Variants in ACYP2 observed in about 807,000 individuals in gnomAD.
The protein encoded by ACYP2 is acylphosphatase 2.
In ACYP2, 12 loss-of-function variants were observed where a neutral mutation model predicts 11.2. The observed-to-expected ratio is 1.08, with a 90% CI of 0.69 to 1.74. ACYP2 has a LOEUF of 1.74. Among genes scored for constraint, ACYP2 ranks in the 40% most tolerant of loss-of-function variants. The pLI is 0.00. For synonymous variants in ACYP2, 43 were observed against 32.2 expected (o/e 1.33, Z -1.13); for missense variants, 134 against 101.9 (o/e 1.31, Z -1.35).
At chr2:54,144,615 A>G (rs1351186876) in intron 6 of ACYP2, among the ~76,000 whole-genome samples, 4 of 151,390 alleles carry the variant, frequency 2.6e-5, no homozygotes, top group Non-Finnish European at 1.5e-5. Flanking sequence ...CAGAGGTTGC[A>G]GTGAGCCAAG....
intron 2 of ACYP2, among the ~76,000 whole-genome samples, chr2:53,990,353 A>G (rs568948616): frequency 6.6e-6 from 1 of 152,134 alleles, no homozygotes; most frequent in Non-Finnish European, 1.5e-5. Context: ...GATAGTTGAT[A>G]TATCAAGAAT....
chr2:53,971,164 G>A lies in ACYP2; in HGVS notation c.-194G>A. ...CTGCGCCTTCTTCGCCGTGGGCCCG[G>A]CTCGGAGCCCCCACCCCAGGCCTCA... On this transcript the variant is annotated 5_prime_UTR_variant, in exon 1 of 7. Transcript: ENST00000607452. 1 of 189,836 alleles carries A rather than the reference G, an allele frequency of 5.3e-6. No homozygotes were observed. Among genetic ancestry groups the A allele is most frequent in the Non-Finnish European group, 1.1e-5 (1 of 93,520 alleles). The allele number at this position is 189,836 out of a possible 1,614,324, so 11.8% of individuals were successfully genotyped here. A position where few individuals can be genotyped will look rare whatever the true frequency, so the allele number is the denominator to read the frequency against.
rs763975336 is a variant in ACYP2 at position 54,304,729 on chromosome 2, T to G, written c.446T>G (p.Ile149Ser). 8 of 1,612,474 alleles carry G rather than the reference T, an allele frequency of 5.0e-6. No individual in the cohort carries two copies. The East Asian group carries it at 6.7e-5, about 13-fold the overall frequency. ...AAGGTTGGAAGCCCTAGTTCTCGCA[T>G]TGACCGCACAAACTTTTCTAATGAA... Residue 149 changes from isoleucine (I) to serine (S), a missense_variant, in exon 7 of 7, where the codon ATT becomes AGT. Physicochemically the swap from Ile to Ser is moderately radical, Grantham distance 142 (BLOSUM62 -2). Coordinates refer to ENST00000607452, the MANE Select transcript of ACYP2 (RefSeq NM_001320586.2).
chr2:54,093,174 G>T (rs1333491015), intron 4 of ACYP2, among the ~76,000 whole-genome samples: 1 of 152,152 alleles, frequency 6.6e-6, no homozygotes, highest in African/African-American at 2.4e-5. Flanking sequence ...AAGACATTAG[G>T]GCAATGCAAA....
chr2:54,279,853 C>A (rs1484330360), intron 6 of ACYP2, among the ~76,000 whole-genome samples: 1 of 152,130 alleles, frequency 6.6e-6, no homozygotes, highest in Non-Finnish European at 1.5e-5. Context: ...GGGACAGGGA[C>A]AATGCCATAT....
intron 2 of ACYP2, among the ~76,000 whole-genome samples, chr2:54,034,695 A>G (rs1394203255): frequency 1.3e-5 from 2 of 152,168 alleles, no homozygotes; most frequent in African/African-American, 4.8e-5. Flanking sequence ...TTCTTAAATC[A>G]TATCAATAGT....
At chr2:54,253,803 G>C (rs1303134277) in intron 6 of ACYP2, 1 of 152,240 alleles carries the variant, frequency 6.6e-6, no homozygotes, top group African/African-American at 2.4e-5. Context: ...CTAAAGAGGG[G>C]TGAGGGGCTG....
chr2:54,238,157 C>T (rs1686578473), intron 6 of ACYP2, among the ~76,000 whole-genome samples: 1 of 152,142 alleles, frequency 6.6e-6, no homozygotes, highest in Non-Finnish European at 1.5e-5. Context: ...CAGACCTCTC[C>T]TCTCCCATAT....
intron 6 of ACYP2, among the ~76,000 whole-genome samples, chr2:54,158,744 C>T (rs555178417): frequency 1.3e-4 from 20 of 152,098 alleles, no homozygotes; most frequent in Admixed American, 9.8e-4. Context: ...ACTAAGGCCT[C>T]GTGGCTGAGG....
chr2:54,201,865 C>T (rs572248901), intron 6 of ACYP2, among the ~76,000 whole-genome samples: 4 of 151,500 alleles, frequency 2.6e-5, no homozygotes, highest in Non-Finnish European at 4.4e-5. Context: ...TGCGCCCCCA[C>T]GCCTGGCTAA....
chr2:54,271,343 C>T (rs532582369), intron 6 of ACYP2, among the ~76,000 whole-genome samples: 1 of 152,286 alleles, frequency 6.6e-6, no homozygotes, highest in South Asian at 2.1e-4. Context: ...TTTAAGACTT[C>T]CCCAATTGCG....
At chr2:54,277,130 G>A (rs575006026) in intron 6 of ACYP2, among the ~76,000 whole-genome samples, 38 of 152,194 alleles carry the variant, frequency 2.5e-4, no homozygotes, top group African/African-American at 9.1e-4. Context: ...TTGATTATTA[G>A]GATAGAATTT....
At chr2:54,013,706 G>A (rs541969027) in intron 2 of ACYP2, among the ~76,000 whole-genome samples, 39 of 145,520 alleles carry the variant, frequency 2.7e-4, no homozygotes, top group Admixed American at 1.9e-3. Flanking sequence ...CAGACACAGA[G>A]AAGCACTACA....
chr2:54,288,593 A>C (rs889952113), intron 6 of ACYP2, among the ~76,000 whole-genome samples: 1 of 152,042 alleles, frequency 6.6e-6, no homozygotes, highest in African/African-American at 2.4e-5. Flanking sequence ...TAAATGATGC[A>C]TGGTATTCTA....
intron 6 of ACYP2, chr2:54,142,010 T>C: frequency 2.3e-6 from 1 of 439,376 alleles, no homozygotes; most frequent in South Asian, 6.5e-5. Flanking sequence ...TGTGTGTGTG[T>C]GTATATTTTG....
chr2:53,991,887 G>A (rs1281240891), intron 2 of ACYP2, among the ~76,000 whole-genome samples: 2 of 151,896 alleles, frequency 1.3e-5, no homozygotes, highest in African/African-American at 4.8e-5. Context: ...CTGCAGACTC[G>A]AGCTCTTGGC....
At chr2:53,971,759 C>G (rs1399890841) in intron 1 of ACYP2, among the ~76,000 whole-genome samples, 1 of 152,122 alleles carries the variant, frequency 6.6e-6, no homozygotes, top group African/African-American at 2.4e-5. Context: ...AGAAGTGATA[C>G]TTAATTTAAG....
chr2:54,048,683 T>C (rs1675660565), intron 2 of ACYP2, among the ~76,000 whole-genome samples: 1 of 152,176 alleles, frequency 6.6e-6, no homozygotes, highest in Non-Finnish European at 1.5e-5. Flanking sequence ...TTTAAGTGTA[T>C]AGTTCAGTAG....
chr2:54,145,026 C>T (rs532522909), intron 6 of ACYP2, among the ~76,000 whole-genome samples: 2 of 151,688 alleles, frequency 1.3e-5, no homozygotes, highest in Non-Finnish European at 2.9e-5. Flanking sequence ...TTTTCTTTTC[C>T]ATTGGTTTTG....
Sources: allele counts gnomAD v4.1 joint callset (sites outside exome capture counted in the v4.1 genomes callset), GRCh38; gene constraint gnomAD v4.1.1; transcripts MANE v1.5; gene names NCBI Gene and HGNC (gene_info 2026-07-23, HGNC 2026-07-21).